Variants in KIF13A observed in about 807,000 individuals in gnomAD.
KIF13A encodes the protein kinesin-like protein KIF13A.
Under a neutral mutation model 212.2 loss-of-function variants are expected in KIF13A, and 79 were observed. The ratio of observed to expected loss-of-function variants is 0.37; its 90% CI spans 0.31 to 0.45. KIF13A has a LOEUF of 0.45. Among genes scored for constraint, KIF13A ranks in the 20% least tolerant of loss-of-function variants. KIF13A has a pLI of 1.00. For synonymous variants in KIF13A, 789 were observed against 808.6 expected, an observed-to-expected ratio of 0.98 and a Z score of 0.41; for missense variants, 1,901 against 2,209.0, an observed-to-expected ratio of 0.86 and a Z score of 2.79.
At chr6:17,935,580 C>T (rs932323433) in intron 2 of KIF13A, among the ~76,000 whole-genome samples, 8 of 152,242 alleles carry the variant, frequency 5.3e-5, no homozygotes, top group African/African-American at 1.2e-4. Context: ...AACAGATCCA[C>T]GAACCTCTAA....
At chr6:17,940,820 T>A (rs28705930) in intron 2 of KIF13A, among the ~76,000 whole-genome samples, 4 of 147,638 alleles carry the variant, frequency 2.7e-5, no homozygotes, top group African/African-American at 1.0e-4. Context: ...TAAATTTATT[T>A]TTTTTTTTTT....
At chr6:17,876,461 G>A (rs1229896142) in intron 3 of KIF13A, among the ~76,000 whole-genome samples, 1 of 152,096 alleles carries the variant, frequency 6.6e-6, no homozygotes, top group Non-Finnish European at 1.5e-5. Flanking sequence ...TTAAGGCCCA[G>A]TTCGATACAT....
intron 17 of KIF13A, among the ~76,000 whole-genome samples, chr6:17,813,488 C>T (rs192009506): frequency 1.3e-5 from 2 of 152,162 alleles, no homozygotes; most frequent in Admixed American, 6.5e-5. Flanking sequence ...AGTGAAACTC[C>T]ATCTCAGAAA....
At chr6:17,975,328 C>T (rs1199159525) in intron 2 of KIF13A, among the ~76,000 whole-genome samples, 1 of 149,206 alleles carries the variant, frequency 6.7e-6, no homozygotes, top group Non-Finnish European at 1.5e-5. Context: ...TTAGTAGGTT[C>T]TTGGTCTCAC....
chr6:17,959,957 G>T (rs1778673426), intron 2 of KIF13A, among the ~76,000 whole-genome samples: 1 of 151,980 alleles, frequency 6.6e-6, no homozygotes. Context: ...GGGAGGCGGA[G>T]GTTGTGGTGA....
At chr6:17,805,922 A>T (rs1423321946) in intron 18 of KIF13A, among the ~76,000 whole-genome samples, 2 of 139,328 alleles carry the variant, frequency 1.4e-5, no homozygotes, top group Non-Finnish European at 1.5e-5. Flanking sequence ...CATAAGCACG[A>T]TTTTTTTTTT....
At chr6:17,827,048 T>C (rs537886962) in intron 14 of KIF13A, among the ~76,000 whole-genome samples, 1 of 151,380 alleles carries the variant, frequency 6.6e-6, no homozygotes, top group Admixed American at 6.6e-5. Context: ...GGCAACAGAG[T>C]GAGACTCTGT....
Position 17,804,427 on chromosome 6 carries a change from G to A in KIF13A, c.2388C>T (p.Phe796=). 6.4e-7 allele frequency: 1 copy of A among 1,569,138 alleles called. No homozygotes were observed. Among genetic ancestry groups the A allele is most frequent in the Non-Finnish European group, 8.6e-7 (1 of 1,156,160 alleles). The stretch of plus-strand genomic sequence containing the variant: ...TCACATCACAGAAGAGGCATTCCAA[G>A]AATACATTCGCCACCCCGATGAGGT... ...NHNLIGVANV[F]LECLFCDVKL... is the part of the protein sequence containing the mutation. The change falls in exon 20 of 39, where the codon TTC becomes TTT. Residue 796 remains phenylalanine (F), a synonymous_variant. Transcript: ENST00000259711.
chr6:17,917,689 A>C (rs185912497), intron 2 of KIF13A, among the ~76,000 whole-genome samples: 2 of 152,242 alleles, frequency 1.3e-5, no homozygotes, highest in South Asian at 2.1e-4. Context: ...AGGGCCTTTA[A>C]TATATCCCCT....
chr6:17,774,949 C>A, intron 35 of KIF13A, 66 bp downstream of exon 35: 1 of 1,306,238 alleles, frequency 7.7e-7, no homozygotes, highest in South Asian at 1.3e-5. Flanking sequence ...TTTAAAAACA[C>A]CAAGATCCCA....
rs1228445054 is a variant in KIF13A, at chr6:17,839,233, T to G, written c.831-1650A>C. ...TGTGCCTGTAACAAAATTGCACTTG[T>G]ACCCCATACATTTATCCACAAAAAT... On this transcript the variant is annotated intron_variant, in intron 9 of 38. Transcript: ENST00000259711. This position sits in a 1 kb window ranked among gnomAD's most constrained non-coding sequence, Gnocchi z 4.3. 2.6e-5 allele frequency among the ~76,000 whole-genome samples: 4 copies of G among 152,346 alleles called. No homozygotes were observed. The highest frequency in any genetic ancestry group is 1.3e-4 in the Admixed American group (2 of 15,302).
intron 2 of KIF13A, among the ~76,000 whole-genome samples, chr6:17,921,854 G>C (rs894409054): frequency 6.6e-6 from 1 of 152,056 alleles, no homozygotes; most frequent in Non-Finnish European, 1.5e-5. Context: ...TTTGTTTTTT[G>C]CTTATAGACA....
chr6:17,949,766 T>C (rs1407855387), intron 2 of KIF13A, among the ~76,000 whole-genome samples: 1 of 152,148 alleles, frequency 6.6e-6, no homozygotes, highest in Non-Finnish European at 1.5e-5. Context: ...ACAGTCATTA[T>C]ACTGCATATA....
At position 17,776,685 on chromosome 6, in the gene KIF13A, C is replaced by T. The variant is rs1581881139; in HGVS notation, c.4170+592G>A. Among the ~76,000 whole-genome samples, 1 of 152,228 alleles carries T rather than the reference C, an allele frequency of 6.6e-6. No individual in the cohort carries two copies. The highest frequency in any genetic ancestry group is 2.4e-5 in the African/African-American group (1 of 41,468). On this transcript the variant is annotated intron_variant, in intron 34 of 38. Transcript: ENST00000259711. This position sits in a 1 kb window ranked among gnomAD's most constrained non-coding sequence, Gnocchi z 4.6. ...GTTTTTCCTTGGAAAGACCTTACTT[C>T]TACTCAGCTGCTTCTGGGAAGTGGC...
chr6:17,761,864 T>C (rs1388273629), downstream of KIF13A, among the ~76,000 whole-genome samples: 1 of 152,128 alleles, frequency 6.6e-6, no homozygotes, highest in African/African-American at 2.4e-5. Flanking sequence ...GGGTTGTTGC[T>C]CCTCTTCCCT....
At chr6:17,938,938 A>T (rs965198971) in intron 2 of KIF13A, among the ~76,000 whole-genome samples, 5 of 152,084 alleles carry the variant, frequency 3.3e-5, no homozygotes, top group Non-Finnish European at 5.9e-5. Flanking sequence ...AATCTCATGA[A>T]ATTTTCTAGC....
At chr6:17,978,640 T>G (rs1780798272) in intron 2 of KIF13A, among the ~76,000 whole-genome samples, 1 of 152,250 alleles carries the variant, frequency 6.6e-6, no homozygotes, top group Non-Finnish European at 1.5e-5. Flanking sequence ...AAACATCTTC[T>G]CTGCTCTTCT....
At position 17,897,148 on chromosome 6, in the gene KIF13A, T is replaced by TAATAAGTACAAGGTATACAGCAGCAA. The variant is rs1363456907; in HGVS notation, c.159+1019_159+1020insTTGCTGCTGTATACCTTGTACTTATT. Among the ~76,000 whole-genome samples the TAATAAGTACAAGGTATACAGCAGCAA allele has an allele frequency of 1.3e-5, 2 of 152,216 alleles. No individual in the cohort carries two copies. The highest frequency in any genetic ancestry group is 4.8e-5 in the African/African-American group (2 of 41,436). The stretch of plus-strand genomic sequence containing the variant: ...AACTCTTATTGCCAAGGACAATGTC[T>TAATAAGTACAAGGTATACAGCAGCAA]TCAATAAGTACAAGGTATACAGCAG... On this transcript the variant is annotated intron_variant, in intron 3 of 38. Transcript: ENST00000259711. This position sits in a 1 kb window ranked among gnomAD's most constrained non-coding sequence, Gnocchi z 4.8.
chr6:17,856,240 C>T lies in KIF13A; in HGVS notation c.221-118G>A, dbSNP rs1213240089. Reference sequence around the variant, plus strand: ...ATGTTAAAAGTGTAGTACCGAGTGCCCACTAAGTACAGGGCTGTGTATTAA... The same window carrying T: ...ATGTTAAAAGTGTAGTACCGAGTGCTCACTAAGTACAGGGCTGTGTATTAA... On this transcript the variant is annotated intron_variant, in intron 4 of 38. Coordinates refer to ENST00000259711, the MANE Select transcript of KIF13A (RefSeq NM_022113.6). The surrounding 1 kb of genome is among the most constrained non-coding windows in gnomAD (Gnocchi z 4.5). The T allele has an allele frequency of 1.5e-6, 1 of 678,514 alleles. No individual in the cohort carries two copies. The highest frequency in any genetic ancestry group is 1.8e-5 in the African/African-American group (1 of 55,346). 42.0% of individuals were successfully genotyped at this position (678,514 alleles called of 1,614,324 possible).
Sources: allele counts gnomAD v4.1 joint callset (sites outside exome capture counted in the v4.1 genomes callset), GRCh38; gene constraint gnomAD v4.1.1; non-coding constraint Gnocchi (gnomAD v3.1); transcripts MANE v1.5; gene names NCBI Gene and HGNC (gene_info 2026-07-23, HGNC 2026-07-21).